The following DLGAP1 variants were observed in gnomAD, a reference collection of about 807,000 sequenced individuals.
DLGAP1 encodes DLG associated protein 1.
In DLGAP1, 11 loss-of-function variants were observed where a neutral mutation model predicts 90.8. That is an observed-to-expected ratio of 0.12 (90% CI 0.08 to 0.20). The LOEUF is 0.20. Among genes scored for constraint, DLGAP1 ranks in the 10% least tolerant of loss-of-function variants. The probability of loss-of-function intolerance (pLI) is 1.00; values close to 1 mark genes in which losing one functional copy is unlikely to be tolerated. For synonymous variants in DLGAP1, 558 were observed against 540.7 expected, an observed-to-expected ratio of 1.03 and a Z score of -0.44; for missense variants, 1,050 against 1,333.8, an observed-to-expected ratio of 0.79 and a Z score of 3.31.
At chr18:4,308,662 G>C (rs1170427852) in intron 1 of DLGAP1, among the ~76,000 whole-genome samples, 1 of 152,120 alleles carries the variant, frequency 6.6e-6, no homozygotes, top group African/African-American at 2.4e-5. Flanking sequence ...AAATTAAAAG[G>C]TTTAAATTGG....
In DLGAP1 at chr18:4,342,247, C is replaced by T. The variant is rs888924279; in HGVS notation, c.-267+112759G>A. ...ACCCTGGGATCACCTACAACAGAGC[C>T]CCTGAACTTGATTCTGCTTGCATTT... is the stretch of plus-strand genomic sequence containing the variant. On this transcript the variant is annotated intron_variant, in intron 1 of 12. Transcript: ENST00000315677. The surrounding 1 kb of genome is among the most constrained non-coding windows in gnomAD (Gnocchi z 5.8). Among the ~76,000 whole-genome samples the T allele has an allele frequency of 2.0e-5, 3 of 151,822 alleles. No homozygotes were observed. Among genetic ancestry groups the T allele is most frequent in the African/African-American group, 7.3e-5 (3 of 41,302 alleles).
intron 3 of DLGAP1, among the ~76,000 whole-genome samples, chr18:3,892,645 T>C (rs1361825502): frequency 2.6e-5 from 4 of 152,068 alleles, no homozygotes; most frequent in Admixed American, 1.3e-4. Flanking sequence ...CAGAATCTAA[T>C]CAAGTGCTAG....
chr18:4,117,674 G>C (rs2076084597), intron 2 of DLGAP1, among the ~76,000 whole-genome samples: 1 of 152,154 alleles, frequency 6.6e-6, no homozygotes, highest in African/African-American at 2.4e-5. Context: ...TTATGTGTTT[G>C]CCTTCACATT....
chr18:3,709,300 C>T (rs896212490), intron 7 of DLGAP1, among the ~76,000 whole-genome samples: 10 of 152,220 alleles, frequency 6.6e-5, no homozygotes, highest in East Asian at 5.8e-4. Context: ...AAATATTTAC[C>T]GAAGACACCC....
intron 1 of DLGAP1, among the ~76,000 whole-genome samples, chr18:4,374,700 A>G (rs1372269977): frequency 6.6e-6 from 1 of 152,176 alleles, no homozygotes; most frequent in Non-Finnish European, 1.5e-5. Flanking sequence ...AAGAAATACA[A>G]TTTGCCAGTA....
intron 1 of DLGAP1, among the ~76,000 whole-genome samples, chr18:4,437,871 A>C (rs2083440409): frequency 6.6e-6 from 1 of 152,126 alleles, no homozygotes; most frequent in Non-Finnish European, 1.5e-5. Flanking sequence ...TAATTAACAT[A>C]TATAGGAATT....
intron 3 of DLGAP1, among the ~76,000 whole-genome samples, chr18:4,002,812 T>C (rs1204328568): frequency 6.6e-6 from 1 of 152,172 alleles, no homozygotes; most frequent in Admixed American, 6.5e-5. Context: ...ATGTTGTTAA[T>C]ACTTGAGCCC....
At chr18:4,339,571 A>G (rs1445294813) in intron 1 of DLGAP1, among the ~76,000 whole-genome samples, 1 of 152,190 alleles carries the variant, frequency 6.6e-6, no homozygotes, top group Non-Finnish European at 1.5e-5. Context: ...TGATCACACA[A>G]TAATGAGCTC....
chr18:4,269,409 A>G (rs184475226), intron 1 of DLGAP1, among the ~76,000 whole-genome samples: 19 of 146,770 alleles, frequency 1.3e-4, no homozygotes, highest in Admixed American at 2.8e-4. Flanking sequence ...GCTGGAGTGC[A>G]GTGGCGCGAT....
intron 8 of DLGAP1, among the ~76,000 whole-genome samples, chr18:3,575,041 C>T (rs899118495): frequency 6.6e-6 from 1 of 152,106 alleles, no homozygotes; most frequent in Non-Finnish European, 1.5e-5. Flanking sequence ...GTTTCAATCT[C>T]CTGACCTCGT....
chr18:3,854,115 C>T (rs1306631111), intron 4 of DLGAP1, among the ~76,000 whole-genome samples: 1 of 152,044 alleles, frequency 6.6e-6, no homozygotes, highest in African/African-American at 2.4e-5. Context: ...GAACCCCTCC[C>T]CCTAATAACA....
chr18:3,672,201 G>GACAGACAC (rs1555623234), intron 7 of DLGAP1, among the ~76,000 whole-genome samples: 1 of 143,492 alleles, frequency 7.0e-6, no homozygotes, highest in Non-Finnish European at 1.5e-5. Flanking sequence ...CTGCTGATTA[G>GACAGACAC]ACACACACAC....
At chr18:4,208,994 T>A (rs1364248687) in intron 1 of DLGAP1, among the ~76,000 whole-genome samples, 1 of 151,842 alleles carries the variant, frequency 6.6e-6, no homozygotes, top group Non-Finnish European at 1.5e-5. Flanking sequence ...TTTCAAGTAG[T>A]GGGAAAAGAA....
At chr18:4,130,093 C>G (rs1252040497) in intron 2 of DLGAP1, among the ~76,000 whole-genome samples, 5 of 152,188 alleles carry the variant, frequency 3.3e-5, no homozygotes, top group African/African-American at 1.2e-4. Context: ...TTCAATTTCA[C>G]TGCAAGAACA....
intron 1 of DLGAP1, among the ~76,000 whole-genome samples, chr18:4,428,473 T>C (rs573544342): frequency 1.9e-3 from 290 of 152,140 alleles, no homozygotes; most frequent in African/African-American, 6.7e-3. Context: ...TCCCAGCTAC[T>C]TGGGAGGCTG....
intron 1 of DLGAP1, among the ~76,000 whole-genome samples, chr18:4,174,377 C>T (rs974322707): frequency 6.6e-6 from 1 of 151,980 alleles, no homozygotes; most frequent in Non-Finnish European, 1.5e-5. Context: ...CTCTGTCACC[C>T]AGGCTGGAAT....
chr18:4,359,078 T>C (rs2081581261), intron 1 of DLGAP1, among the ~76,000 whole-genome samples: 2 of 152,208 alleles, frequency 1.3e-5, no homozygotes, highest in Non-Finnish European at 2.9e-5. Flanking sequence ...AGTGATCTAA[T>C]TTATGTTTTA....
chr18:3,984,899 T>TC (rs938076665), intron 3 of DLGAP1, among the ~76,000 whole-genome samples: 4 of 152,124 alleles, frequency 2.6e-5, no homozygotes, highest in African/African-American at 9.7e-5. Flanking sequence ...TTCACCATTG[T>TC]CCCCTGCCTG....
At chr18:3,741,020 C>CCACCACCATCACCACCACCACCT (rs1568047635) in intron 6 of DLGAP1, among the ~76,000 whole-genome samples, 1 of 74,984 alleles carries the variant, frequency 1.3e-5, no homozygotes, top group African/African-American at 6.1e-5. Context: ...ACCACCATCA[C>CCACCACCATCACCACCACCACCT]CACCACCACC....
Sources: gnomAD v4.1 joint callset for allele counts (sites outside exome capture counted in the v4.1 genomes callset) on GRCh38, gnomAD v4.1.1 for gene constraint, Gnocchi (gnomAD v3.1) non-coding constraint, MANE v1.5 for transcripts, NCBI Gene and HGNC (gene_info 2026-07-23, HGNC 2026-07-21) for gene names.